TNKS: variants seen among roughly 807,000 people sequenced by gnomAD.
The protein encoded by TNKS is poly [ADP-ribose] polymerase tankyrase-1.
Under a neutral mutation model 135.8 loss-of-function variants are expected in TNKS, and 72 were observed. The ratio of observed to expected loss-of-function variants is 0.53; its 90% confidence interval spans 0.44 to 0.64. TNKS has a LOEUF of 0.64. TNKS is among the 30% of genes least tolerant of loss of function. TNKS has a pLI of 0.00. For missense variants in TNKS, 1,769 were observed against 1,674.0 expected (o/e 1.06, Z -0.99); for synonymous variants, 849 against 649.3 (o/e 1.31, Z -4.68).
rs569582861 is a variant in TNKS at position 9,609,386 on chromosome 8, G to A, written c.899-6196G>A. On this transcript the variant is annotated intron_variant, in intron 2 of 26. Coordinates refer to ENST00000310430, the MANE Select transcript of TNKS (RefSeq NM_003747.3). ...ACACCCAAAGTTTCCAACCAGAGCT[G>A]TAATTCTGTACTAGGACCAGTTCAC... Among the ~76,000 whole-genome samples, 4 of 152,316 alleles carry A rather than the reference G, an allele frequency of 2.6e-5. No homozygotes were observed. In the East Asian group the frequency reaches 7.7e-4, roughly 29 times the overall value.
chr8:9,733,543 A>G (rs35635768), intron 15 of TNKS, 99 bp downstream of exon 15: 744 of 973,322 alleles, frequency 7.6e-4, no homozygotes, highest in Non-Finnish European at 1.1e-3. Flanking sequence ...TAAGAACAAT[A>G]CTGCTGTAGA....
chr8:9,644,108 C>A (rs915400088), intron 3 of TNKS, among the ~76,000 whole-genome samples: 3 of 151,944 alleles, frequency 2.0e-5, no homozygotes, highest in Non-Finnish European at 4.4e-5. Context: ...GTTGCCAGGG[C>A]CTGAAGAGAG....
chr8:9,604,998 G>A lies in TNKS; in HGVS notation c.899-10584G>A, dbSNP rs542300251. ...ATAAAGCTTTTAAAATATTAGTTTT[G>A]TATAACATAAAAATCAACTTTATCA... On this transcript the variant is annotated intron_variant, in intron 2 of 26. Coordinates refer to ENST00000310430, the MANE Select transcript of TNKS (RefSeq NM_003747.3). Among the ~76,000 whole-genome samples the A allele has an allele frequency of 9.2e-5, 14 of 151,784 alleles. No homozygotes were observed. In the South Asian group the frequency reaches 2.7e-3, roughly 29 times the overall value.
chr8:9,670,237 C>G (rs1160956686), intron 3 of TNKS: 1 of 152,066 alleles, frequency 6.6e-6, no homozygotes, highest in East Asian at 1.9e-4. Context: ...GTGGTTTTTT[C>G]AAAAGTTAGT....
At chr8:9,603,741 CA>C (rs1402058166) in intron 2 of TNKS, among the ~76,000 whole-genome samples, 1 of 152,158 alleles carries the variant, frequency 6.6e-6, no homozygotes, top group Non-Finnish European at 1.5e-5. Flanking sequence ...TGTCACCGCT[CA>C]TTCAGTGCTG....
chr8:9,608,975 C>G (rs1799340343), intron 2 of TNKS, among the ~76,000 whole-genome samples: 1 of 152,082 alleles, frequency 6.6e-6, no homozygotes, highest in Non-Finnish European at 1.5e-5. Context: ...ACCAGTTACT[C>G]CATTATGGCT....
At chr8:9,697,270 C>G (rs760005382) in intron 5 of TNKS, among the ~76,000 whole-genome samples, 1 of 152,018 alleles carries the variant, frequency 6.6e-6, no homozygotes, top group African/African-American at 2.4e-5. Context: ...GAAATGGGAC[C>G]CTTACCTTTC....
At chr8:9,734,816 C>G in intron 15 of TNKS, 49 bp from the exon 16 acceptor site, 1 of 1,456,618 alleles carries the variant, frequency 6.9e-7, no homozygotes, top group South Asian at 1.3e-5. Context: ...ACCTACCTAC[C>G]TACTTACTAC....
chr8:9,598,745 ATATATG>A (rs1167161360), intron 2 of TNKS, among the ~76,000 whole-genome samples: 1 of 97,560 alleles, frequency 1.0e-5, no homozygotes, highest in African/African-American at 3.7e-5. Flanking sequence ...CTGTGTGTGT[ATATATG>A]TATATGTGTG....
Position 9,642,137 on chromosome 8 carries a change from C to T in TNKS, c.994+26460C>T, listed in dbSNP as rs1352741845. Among the ~76,000 whole-genome samples, 2 of 145,786 alleles carry T rather than the reference C, an allele frequency of 1.4e-5. 1 individual carries two copies. The highest frequency in any genetic ancestry group is 5.1e-5 in the African/African-American group (2 of 39,304). Reference sequence around the variant, plus strand: ...ATAGCCTGGTGAAATTTTGTACCAACTGCAAACCGCTTAGGTAGTCTTTGC... The same window carrying T: ...ATAGCCTGGTGAAATTTTGTACCAATTGCAAACCGCTTAGGTAGTCTTTGC... On this transcript the variant is annotated intron_variant, in intron 3 of 26. Transcript: ENST00000310430.
At chr8:9,629,926 C>A (rs1248195102) in intron 3 of TNKS, among the ~76,000 whole-genome samples, 1 of 152,180 alleles carries the variant, frequency 6.6e-6, no homozygotes, top group Non-Finnish European at 1.5e-5. Flanking sequence ...TTGTGATCCG[C>A]CCGCCTCGGC....
intron 17 of TNKS, chr8:9,740,831 T>TTTTG (rs1554482071): frequency 7.2e-6 from 1 of 139,562 alleles, no homozygotes; most frequent in Non-Finnish European, 1.5e-5. Flanking sequence ...TTGTTGTTTT[T>TTTTG]TTTTTTTTTT....
chr8:9,721,162 C>G (rs1336445630), intron 12 of TNKS, among the ~76,000 whole-genome samples: 4 of 151,512 alleles, frequency 2.6e-5, no homozygotes, highest in Non-Finnish European at 4.4e-5. Flanking sequence ...TGCCTTGTAG[C>G]CCCAGCTACT....
At chr8:9,716,881 G>A (rs779847065) in intron 11 of TNKS, among the ~76,000 whole-genome samples, 1 of 151,456 alleles carries the variant, frequency 6.6e-6, no homozygotes, top group Admixed American at 6.6e-5. Flanking sequence ...ACCACCTGCA[G>A]CTGATAGGGT....
At chr8:9,676,686 C>CTGTGTG (rs147459978) in intron 3 of TNKS, among the ~76,000 whole-genome samples, 72,018 of 147,672 alleles carry the variant, frequency 0.49, 18,190 homozygotes, top group Non-Finnish European at 0.58. Flanking sequence ...CTCTCTCTCT[C>CTGTGTG]TGTGTGTGTG....
At chr8:9,674,953 T>G (rs1253281217) in intron 3 of TNKS, among the ~76,000 whole-genome samples, 1 of 152,184 alleles carries the variant, frequency 6.6e-6, no homozygotes, top group African/African-American at 2.4e-5. Flanking sequence ...GATTAAAAAG[T>G]ACAAAGAAGG....
chr8:9,761,660 A>G (rs1209184569), intron 21 of TNKS, 24 bp downstream of exon 21: 9 of 1,582,018 alleles, frequency 5.7e-6, no homozygotes, highest in Non-Finnish European at 7.7e-6. Context: ...AAAAAAAAAA[A>G]AATTTCAGAA....
intron 5 of TNKS, among the ~76,000 whole-genome samples, chr8:9,690,767 A>G (rs1219383967): frequency 2.0e-5 from 3 of 152,216 alleles, no homozygotes; most frequent in Admixed American, 1.3e-4. Flanking sequence ...CTTGTTTTAT[A>G]TTTCATAAAT....
At chr8:9,582,972 C>T (rs1223889973) in intron 2 of TNKS, among the ~76,000 whole-genome samples, 1 of 151,964 alleles carries the variant, frequency 6.6e-6, no homozygotes, top group Admixed American at 6.6e-5. Context: ...CGAGACCATC[C>T]TGGCTAACAC....
Sources: gnomAD v4.1 joint callset for allele counts (sites outside exome capture counted in the v4.1 genomes callset) on GRCh38, gnomAD v4.1.1 for gene constraint, MANE v1.5 for transcripts, NCBI Gene and HGNC (gene_info 2026-07-23, HGNC 2026-07-21) for gene names.